Variants in CMSS1 observed in about 807,000 individuals in gnomAD.
CMSS1 encodes protein CMSS1.
In CMSS1, 33 loss-of-function variants were observed where a neutral mutation model predicts 43.5. The ratio of observed to expected loss-of-function variants is 0.76; its 90% confidence interval spans 0.57 to 1.01. The LOEUF (loss-of-function observed/expected upper bound fraction) is 1.01. Ranked by LOEUF, CMSS1 falls within the 50% of genes least tolerant of loss-of-function variation. The pLI is 0.00. For synonymous variants in CMSS1, 115 were observed against 117.2 expected (o/e 0.98, Z 0.12); for missense variants, 313 against 326.4 (o/e 0.96, Z 0.32).
chr3:100,059,561 G>A (rs1401279625), intron 1 of CMSS1, among the ~76,000 whole-genome samples: 1 of 152,196 alleles, frequency 6.6e-6, no homozygotes, highest in Non-Finnish European at 1.5e-5. Flanking sequence ...GGTAGAGGGT[G>A]TAGTTCAGAG....
At chr3:99,988,360 A>AAAAAAAAG (rs1709412106) in intron 1 of CMSS1, among the ~76,000 whole-genome samples, 1 of 149,960 alleles carries the variant, frequency 6.7e-6, no homozygotes, top group African/African-American at 2.5e-5. Flanking sequence ...AAAAAAAAAA[A>AAAAAAAAG]AAATTAGCCA....
intron 1 of CMSS1, among the ~76,000 whole-genome samples, chr3:99,865,724 TTC>T (rs1463662270): frequency 1.3e-5 from 2 of 152,004 alleles, no homozygotes; most frequent in Non-Finnish European, 2.9e-5. Context: ...AGGCAGCCAT[TTC>T]TCTGACAGAC....
intron 1 of CMSS1, among the ~76,000 whole-genome samples, chr3:99,877,497 CTAAG>C (rs746162814): frequency 6.7e-4 from 102 of 152,240 alleles, no homozygotes; most frequent in Non-Finnish European, 1.2e-3. Flanking sequence ...CTAGATCACT[CTAAG>C]TACCTACTGA....
At chr3:99,852,508 C>T (rs1173313872) in intron 1 of CMSS1, among the ~76,000 whole-genome samples, 3 of 152,106 alleles carry the variant, frequency 2.0e-5, no homozygotes, top group South Asian at 2.1e-4. Flanking sequence ...TGCAGTGGGG[C>T]GATCTCGACT....
At chr3:100,026,051 T>A (rs2064914697) in intron 1 of CMSS1, among the ~76,000 whole-genome samples, 1 of 152,152 alleles carries the variant, frequency 6.6e-6, no homozygotes, top group Non-Finnish European at 1.5e-5. Flanking sequence ...TTAGACTTAA[T>A]GAAATCAGAA....
intron 1 of CMSS1, among the ~76,000 whole-genome samples, chr3:100,074,711 T>TTTTTTTTTTTTTTTTTTTA (rs2065822129): frequency 8.1e-6 from 1 of 123,588 alleles, no homozygotes. Flanking sequence ...TTTTTTTTTT[T>TTTTTTTTTTTTTTTTTTTA]GAGACGAAGT....
intron 1 of CMSS1, among the ~76,000 whole-genome samples, chr3:99,927,665 G>T (rs757246887): frequency 1.1e-4 from 16 of 152,082 alleles, no homozygotes; most frequent in African/African-American, 3.9e-4. Flanking sequence ...CACTGCGCCC[G>T]GCCCATATTT....
intron 1 of CMSS1, among the ~76,000 whole-genome samples, chr3:100,077,687 A>G (rs1033611346): frequency 2.0e-5 from 3 of 152,186 alleles, no homozygotes; most frequent in Admixed American, 6.5e-5. Context: ...AGGTGGGACA[A>G]TGAATTGAGC....
In CMSS1 at chr3:100,149,097, T is replaced by A. The variant is rs114295583; in HGVS notation, c.153+2036T>A. Among the ~76,000 whole-genome samples, 453 of 152,320 alleles carry A rather than the reference T, an allele frequency of 3.0e-3. 1 individual carries two copies. Among genetic ancestry groups the A allele is most frequent in the Admixed American group, 6.7e-3 (103 of 15,296 alleles). On this transcript the variant is annotated intron_variant, in intron 2 of 9. Transcript: ENST00000421999. ...AGTCTTCTTCATACTCCATTGGCTT[T>A]CGTTTTTTTCTTGCTTTCCCCTTGA...
chr3:100,166,757 G>A (rs1224184955), intron 5 of CMSS1, among the ~76,000 whole-genome samples: 1 of 152,036 alleles, frequency 6.6e-6, no homozygotes, highest in African/African-American at 2.4e-5. Context: ...GGCTGGAGAG[G>A]GACAGGGTCT....
intron 1 of CMSS1, among the ~76,000 whole-genome samples, chr3:99,840,217 G>C (rs1184223173): frequency 7.6e-6 from 1 of 131,762 alleles, no homozygotes; most frequent in Non-Finnish European, 1.6e-5. Context: ...TTAATTCGTA[G>C]AATCTTTTTT....
chr3:99,849,780 C>T, intron 1 of CMSS1: 1 of 1,613,536 alleles, frequency 6.2e-7, no homozygotes, highest in Non-Finnish European at 8.5e-7. Context: ...TCAGTCTTTC[C>T]ACTTCTTGAG....
intron 1 of CMSS1, chr3:99,930,786 G>A: frequency 1.2e-6 from 2 of 1,613,254 alleles, no homozygotes; most frequent in Non-Finnish European, 1.7e-6. Flanking sequence ...TCTCCCTCCA[G>A]AATGCTGAGG....
chr3:100,062,789 C>T (rs533754899), intron 1 of CMSS1, among the ~76,000 whole-genome samples: 2 of 152,276 alleles, frequency 1.3e-5, no homozygotes, highest in Admixed American at 1.3e-4. Flanking sequence ...CAGCATTCGC[C>T]CTACACCTGT....
chr3:99,967,331 C>G (rs543035092), intron 1 of CMSS1, among the ~76,000 whole-genome samples: 2 of 152,262 alleles, frequency 1.3e-5, no homozygotes, highest in East Asian at 3.9e-4. Context: ...TTACATCATT[C>G]CTTTCACAGA....
intron 1 of CMSS1, among the ~76,000 whole-genome samples, chr3:99,877,020 A>G (rs1705557414): frequency 2.0e-5 from 3 of 152,236 alleles, no homozygotes. Flanking sequence ...GAAATTAGCC[A>G]AATGTGATTG....
chr3:99,868,385 A>G (rs115104237), intron 1 of CMSS1, among the ~76,000 whole-genome samples: 1,900 of 152,282 alleles, frequency 0.012, 26 homozygotes, highest in Non-Finnish European at 0.016. Flanking sequence ...TCATGACTGC[A>G]TCCTACAAAG....
chr3:100,099,380 A>G (rs754580809), intron 1 of CMSS1, among the ~76,000 whole-genome samples: 1 of 152,222 alleles, frequency 6.6e-6, no homozygotes, highest in Non-Finnish European at 1.5e-5. Flanking sequence ...CGAGTAAGCT[A>G]TCACTTTCCA....
At chr3:100,149,933 C>T (rs2066889407) in intron 2 of CMSS1, among the ~76,000 whole-genome samples, 1 of 152,078 alleles carries the variant, frequency 6.6e-6, no homozygotes, top group Admixed American at 6.6e-5. Context: ...ATGCCCTATC[C>T]CTCCTCCAAC....
Sources: allele counts gnomAD v4.1 joint callset (sites outside exome capture counted in the v4.1 genomes callset), GRCh38; gene constraint gnomAD v4.1.1; transcripts MANE v1.5; gene names NCBI Gene and HGNC (gene_info 2026-07-23, HGNC 2026-07-21).